The following PLXNA4 variants were observed in gnomAD, a reference collection of about 807,000 sequenced individuals.
PLXNA4 encodes plexin-A4.
A neutral mutation model predicts 191.8 loss-of-function variants in PLXNA4; 44 were observed. The observed-to-expected ratio is 0.23, with a 90% CI of 0.18 to 0.29. The LOEUF (loss-of-function observed/expected upper bound fraction) is 0.29, where lower values mean the gene tolerates loss of function less well. PLXNA4 is among the 10% of genes least tolerant of loss of function. The pLI, the probability that PLXNA4 is intolerant of heterozygous loss-of-function variation, is 1.00. For missense variants in PLXNA4, 1,800 were observed against 2,488.8 expected (o/e 0.72, Z 5.89); for synonymous variants, 1,082 against 1,009.5 (o/e 1.07, Z -1.36).
At chr7:132,607,492 A>G (rs1277676429) in intron 2 of PLXNA4, among the ~76,000 whole-genome samples, 3 of 152,212 alleles carry the variant, frequency 2.0e-5, no homozygotes, top group African/African-American at 7.2e-5. Context: ...ATAGATTGAG[A>G]GATGGATAGT....
At chr7:132,560,071 C>A (rs1319319733) in intron 1 of PLXNA4, among the ~76,000 whole-genome samples, 1 of 152,212 alleles carries the variant, frequency 6.6e-6, no homozygotes, top group Non-Finnish European at 1.5e-5. Flanking sequence ...ATTGTGCAGA[C>A]TTTGTCCTAC....
At chr7:132,344,123 A>G (rs1803147079) in intron 3 of PLXNA4, among the ~76,000 whole-genome samples, 1 of 152,176 alleles carries the variant, frequency 6.6e-6, no homozygotes, top group Non-Finnish European at 1.5e-5. Flanking sequence ...TGCATGTAGA[A>G]CAGGTTAAAT....
At chr7:132,522,332 T>C (rs1478505307) in intron 1 of PLXNA4, among the ~76,000 whole-genome samples, 2 of 152,164 alleles carry the variant, frequency 1.3e-5, no homozygotes, top group Admixed American at 6.5e-5. Context: ...GCTCCAAACA[T>C]ATATGACCAC....
intron 3 of PLXNA4, among the ~76,000 whole-genome samples, chr7:132,318,161 G>T (rs1386455038): frequency 1.3e-5 from 2 of 152,144 alleles, no homozygotes; most frequent in African/African-American, 4.8e-5. Flanking sequence ...GGAGCGGAGA[G>T]GGCAGGGGTA....
chr7:132,563,971 C>T (rs1298178029), intron 1 of PLXNA4, among the ~76,000 whole-genome samples: 1 of 38,978 alleles, frequency 2.6e-5, no homozygotes, highest in Non-Finnish European at 7.6e-5. Context: ...ATTCTTTCTC[C>T]TCCTCCTCCT....
intron 3 of PLXNA4, among the ~76,000 whole-genome samples, chr7:132,392,059 C>G (rs1793516923): frequency 1.3e-5 from 2 of 151,856 alleles, no homozygotes; most frequent in South Asian, 4.2e-4. Flanking sequence ...CCCTGGGAGG[C>G]AGAGGTTGCA....
At chr7:132,367,193 TTGGCTA>T in intron 3 of PLXNA4, among the ~76,000 whole-genome samples, 2 of 152,222 alleles carry the variant, frequency 1.3e-5, no homozygotes, top group Non-Finnish European at 2.9e-5. Flanking sequence ...ATTAACTACA[TTGGCTA>T]TGTTCAAGGA....
At chr7:132,641,758 T>C (rs1345049808) in intron 2 of PLXNA4, among the ~76,000 whole-genome samples, 1 of 152,170 alleles carries the variant, frequency 6.6e-6, no homozygotes, top group Non-Finnish European at 1.5e-5. Flanking sequence ...TTAAGAGGTA[T>C]TCTAAATATA....
In PLXNA4 at chr7:132,440,038, C is replaced by T. The variant is rs1315940393; in HGVS notation, c.1371+49254G>A. The stretch of plus-strand genomic sequence containing the variant: ...TGTGTGTGTGTGTGATCTGTGTGGG[C>T]TTGTGCCATGCTGCCATAAAACACA... On this transcript the variant is annotated intron_variant, in intron 3 of 31. Transcript: ENST00000321063. Among the ~76,000 whole-genome samples, 4 of 151,556 alleles carry T rather than the reference C, an allele frequency of 2.6e-5. No homozygotes were observed. In the South Asian group the frequency reaches 8.3e-4, roughly 32 times the overall value.
At chr7:132,333,386 G>T (rs1404822688) in intron 3 of PLXNA4, among the ~76,000 whole-genome samples, 1 of 152,232 alleles carries the variant, frequency 6.6e-6, no homozygotes, top group Non-Finnish European at 1.5e-5. Context: ...TGCATCTTCA[G>T]CCAGGAAGAG....
chr7:132,200,609 G>A (rs1797401090), intron 12 of PLXNA4, among the ~76,000 whole-genome samples: 1 of 152,174 alleles, frequency 6.6e-6, no homozygotes, highest in Admixed American at 6.5e-5. Flanking sequence ...TGAAGCATGG[G>A]GCACATGTTG....
chr7:132,598,728 A>G (rs1802763106), intron 2 of PLXNA4, among the ~76,000 whole-genome samples: 1 of 150,764 alleles, frequency 6.6e-6, no homozygotes, highest in Admixed American at 6.6e-5. Flanking sequence ...CCCAATTGTC[A>G]TCAGCTCATT....
chr7:132,562,205 T>C (rs1419539850), intron 1 of PLXNA4, among the ~76,000 whole-genome samples: 123 of 61,772 alleles, frequency 2.0e-3, no homozygotes, highest in Middle Eastern at 0.017. Context: ...TCCTCCTCCT[T>C]CTCCTCCTCC....
chr7:132,562,514 C>T (rs1801248779), intron 1 of PLXNA4, among the ~76,000 whole-genome samples: 1 of 129,794 alleles, frequency 7.7e-6, no homozygotes, highest in Non-Finnish European at 1.6e-5. Context: ...CCTCCTTCTC[C>T]TCCTCTTCCT....
At chr7:132,178,945 GC>G (rs1354189297) in intron 20 of PLXNA4, among the ~76,000 whole-genome samples, 10 of 101,956 alleles carry the variant, frequency 9.8e-5, no homozygotes, top group Non-Finnish European at 1.5e-4. Context: ...ACACACACGT[GC>G]ACACACACAC....
intron 3 of PLXNA4, among the ~76,000 whole-genome samples, chr7:132,478,547 T>C (rs1405264816): frequency 6.6e-6 from 1 of 152,164 alleles, no homozygotes; most frequent in Non-Finnish European, 1.5e-5. Context: ...AAAGAATGTA[T>C]TGACTTATAG....
At chr7:132,605,632 A>C (rs1464395790) in intron 2 of PLXNA4, among the ~76,000 whole-genome samples, 1 of 151,536 alleles carries the variant, frequency 6.6e-6, no homozygotes, top group Non-Finnish European at 1.5e-5. Flanking sequence ...TTGTGTCACC[A>C]CCACCCCCAC....
chr7:132,472,986 T>C (rs1292453053), intron 3 of PLXNA4, among the ~76,000 whole-genome samples: 1 of 152,244 alleles, frequency 6.6e-6, no homozygotes, highest in Non-Finnish European at 1.5e-5. Context: ...ATTATCATTG[T>C]GGAGTTACAG....
intron 2 of PLXNA4, among the ~76,000 whole-genome samples, chr7:132,501,901 T>C (rs1011445440): frequency 2.6e-5 from 4 of 152,158 alleles, no homozygotes; most frequent in African/African-American, 4.8e-5. Flanking sequence ...ATGGTGTGTA[T>C]GGCAAGTGTA....
Sources: gnomAD v4.1 joint callset for allele counts (sites outside exome capture counted in the v4.1 genomes callset) on GRCh38, gnomAD v4.1.1 for gene constraint, MANE v1.5 for transcripts, NCBI Gene and HGNC (gene_info 2026-07-23, HGNC 2026-07-21) for gene names.